The following GRK1 variants were observed in gnomAD, a reference collection of about 807,000 sequenced individuals.
GRK1 encodes the protein G protein-coupled receptor kinase 1.
Under a neutral mutation model 41.7 loss-of-function variants are expected in GRK1, and 28 were observed. The ratio of observed to expected loss-of-function variants is 0.67; its 90% CI spans 0.50 to 0.92. The LOEUF is 0.92. Ranked by LOEUF, GRK1 falls within the 40% of genes least tolerant of loss-of-function variation. The pLI is 0.00. For missense variants in GRK1, 703 were observed against 671.2 expected, an observed-to-expected ratio of 1.05 and a Z score of -0.52; for synonymous variants, 327 against 286.7, an observed-to-expected ratio of 1.14 and a Z score of -1.42.
At chr13:113,734,940 C>A in intron 6 of GRK1, 128 bp from the exon 7 acceptor site, 2 of 945,520 alleles carry the variant, frequency 2.1e-6, no homozygotes, top group Non-Finnish European at 3.0e-6. Flanking sequence ...CTCCACGACA[C>A]TTCCCTAAGG....
In GRK1 at chr13:113,667,742, C is replaced by A. The variant is rs746939483; in HGVS notation, c.356C>A (p.Ala119Asp). ...CTGGCCCAGTACCTGGACCCCCAGGCCAAACTCTTCTGCAGCTTCCTGGAT... is the reference window on the plus strand; with the variant it reads ...CTGGCCCAGTACCTGGACCCCCAGGACAAACTCTTCTGCAGCTTCCTGGAT... ...TILAQYLDPQAKLFCSFLDEG... is the reference protein window; with the variant it reads ...TILAQYLDPQDKLFCSFLDEG... Residue 119 changes from alanine to aspartate, a missense_variant, in exon 1 of 7, where the codon GCC becomes GAC. By Grantham distance (126) the Ala-to-Asp change is moderately radical. Coordinates refer to ENST00000335678, the MANE Select transcript of GRK1 (RefSeq NM_002929.3). The surrounding 1 kb of genome is among the most constrained non-coding windows in gnomAD (Gnocchi z 7.5). The A allele has an allele frequency of 1.2e-6, 2 of 1,613,896 alleles. No homozygotes were observed. Among genetic ancestry groups the A allele is most frequent in the South Asian group, 2.2e-5 (2 of 91,084 alleles).
the GRK1 span, chr13:113,651,652 G>A: frequency 1.2e-5 from 19 of 1,591,394 alleles, no homozygotes; most frequent in Admixed American, 1.8e-5. Context: ...AGCCCTGCCC[G>A]CCGCGCGGCC....
the GRK1 span, among the ~76,000 whole-genome samples, chr13:113,655,387 G>T: frequency 5.2e-4 from 79 of 152,342 alleles, no homozygotes; most frequent in South Asian, 2.5e-3. Context: ...GCCTGGAAGT[G>T]CATGGCCGGT....
chr13:113,733,724 TGCGCGCGTGTGTATGTGTGC>T (rs2049963728), intron 6 of GRK1, among the ~76,000 whole-genome samples: 1 of 135,478 alleles, frequency 7.4e-6, no homozygotes, highest in Non-Finnish European at 1.6e-5. Flanking sequence ...CACGTGTGTG[TGCGCGCGTGTGTATGTGTGC>T]ATACATGTGT....
rs1239237406 is a variant in GRK1 at position 113,671,955 on chromosome 13, G to A, written c.985+299G>A. On this transcript the variant is annotated intron_variant, in intron 3 of 6. Transcript: ENST00000335678. This position sits in a 1 kb window ranked among gnomAD's most constrained non-coding sequence, Gnocchi z 4.1. ...GGATTCTTCTCAGAAATAAACACGAGGGTTTAGGCTCCCGACAGCGGCAGG... is the reference window on the plus strand; with the variant it reads ...GGATTCTTCTCAGAAATAAACACGAAGGTTTAGGCTCCCGACAGCGGCAGG... 6.6e-6 allele frequency among the ~76,000 whole-genome samples: 1 copy of A among 152,026 alleles called. No homozygotes were observed. The highest frequency in any genetic ancestry group is 1.5e-5 in the Non-Finnish European group (1 of 68,002).
the GRK1 span, among the ~76,000 whole-genome samples, chr13:113,661,711 C>T: frequency 2.6e-5 from 4 of 152,186 alleles, no homozygotes; most frequent in Admixed American, 2.6e-4. Flanking sequence ...AATACTTGCG[C>T]AATTCTACAT....
At chr13:113,654,403 C>T in the GRK1 span, among the ~76,000 whole-genome samples, 11 of 152,262 alleles carry the variant, frequency 7.2e-5, no homozygotes, top group Non-Finnish European at 1.2e-4. Context: ...GCTGGTCTCC[C>T]GGGTGTGCTC....
chr13:113,667,868 C>A lies in GRK1; in HGVS notation c.482C>A (p.Pro161His). 1.3e-6 allele frequency: 2 copies of A among 1,590,518 alleles called. No individual in the cohort carries two copies. Among genetic ancestry groups the A allele is most frequent in the South Asian group, 2.3e-5 (2 of 88,286 alleles). Residue 161 changes from proline to histidine, a missense_variant, in exon 1 of 7, where the codon CCC becomes CAC. Physicochemically the swap from Pro to His is moderately conservative, Grantham distance 77 (BLOSUM62 -2). Coordinates refer to ENST00000335678, the MANE Select transcript of GRK1 (RefSeq NM_002929.3). The surrounding 1 kb of genome is among the most constrained non-coding windows in gnomAD (Gnocchi z 7.5). ...QATLAHLGQAPFQEYLGSLYF... is the reference protein window; with the variant it reads ...QATLAHLGQAHFQEYLGSLYF... ...ACCCTGGCACACCTGGGCCAAGCCCCCTTCCAGGAGTACCTGGGCAGCCTG... is the reference window on the plus strand; with the variant it reads ...ACCCTGGCACACCTGGGCCAAGCCCACTTCCAGGAGTACCTGGGCAGCCTG...
At chr13:113,650,591 A>G in the GRK1 span, 23 of 1,048,636 alleles carry the variant, frequency 2.2e-5, no homozygotes, top group East Asian at 2.5e-5. This position sits in a 1 kb window ranked among gnomAD's most constrained non-coding sequence, Gnocchi z 5.0. Context: ...GCGTGTGTGC[A>G]CACACGCGCT....
At position 113,735,257 on chromosome 13, in the gene GRK1, G is replaced by A. The variant is rs1260623023; in HGVS notation, c.1586G>A (p.Gly529Asp). 6.5e-7 allele frequency: 1 copy of A among 1,536,950 alleles called. No homozygotes were observed. The highest frequency in any genetic ancestry group is 1.4e-5 in the African/African-American group (1 of 73,044). The change falls in exon 7 of 7, where the codon GGC becomes GAC. Residue 529 changes from glycine (G) to aspartate (D), a missense_variant. By Grantham distance (94) the Gly-to-Asp change is moderately conservative. Coordinates refer to ENST00000335678, the MANE Select transcript of GRK1 (RefSeq NM_002929.3). ...QEEMIETGIF[G>D]ELNVWRSDGQ... is the part of the protein sequence containing the mutation. ...GAGATGATCGAGACGGGCATCTTTG[G>A]CGAGCTGAACGTGTGGCGCTCGGAC...
In GRK1 at chr13:113,731,160, G is replaced by A. The variant is rs1216763604; in HGVS notation, c.1070-59G>A. On this transcript the variant is annotated intron_variant, in intron 4 of 6. Transcript: ENST00000335678. This position sits in a 1 kb window ranked among gnomAD's most constrained non-coding sequence, Gnocchi z 5.6. ...CAGAGCATCAGTCCTGCGATTCCTG[G>A]AGTGCGTGCCCACCATGGAGGTGAC... is the stretch of plus-strand genomic sequence containing the variant. 1 of 1,517,078 alleles carries A rather than the reference G, an allele frequency of 6.6e-7. No homozygotes were observed. Among genetic ancestry groups the A allele is most frequent in the Non-Finnish European group, 8.8e-7 (1 of 1,133,182 alleles). The allele number at this position is 1,517,078 out of a possible 1,614,324, so 94.0% of individuals were successfully genotyped here. A position where few individuals can be genotyped will look rare whatever the true frequency, so the allele number is the denominator to read the frequency against.
chr13:113,657,082 GC>G, the GRK1 span, among the ~76,000 whole-genome samples: 2 of 152,356 alleles, frequency 1.3e-5, no homozygotes, highest in East Asian at 3.9e-4. Flanking sequence ...GGGGGCTGCA[GC>G]CTTCACCAGC....
the GRK1 span, among the ~76,000 whole-genome samples, chr13:113,657,709 T>G: frequency 6.6e-6 from 1 of 152,262 alleles, no homozygotes; most frequent in East Asian, 1.9e-4. Context: ...TCACGTTATT[T>G]TCAAAATGAT....
chr13:113,651,817 G>T, the GRK1 span: 30 of 1,480,892 alleles, frequency 2.0e-5, no homozygotes, highest in African/African-American at 3.2e-4. Flanking sequence ...AGATCTGGCC[G>T]GCCCCAGCCT....
intron 4 of GRK1, among the ~76,000 whole-genome samples, chr13:113,724,153 G>T (rs924778917): frequency 6.6e-5 from 10 of 152,120 alleles, no homozygotes; most frequent in Non-Finnish European, 1.5e-4. Flanking sequence ...GCAGAGCGGG[G>T]TCCGTGTTCT....
chr13:113,671,389 C>G lies in GRK1; in HGVS notation c.828-110C>G. On this transcript the variant is annotated intron_variant, in intron 2 of 6. Transcript: ENST00000335678. This position sits in a 1 kb window ranked among gnomAD's most constrained non-coding sequence, Gnocchi z 4.1. ...GACGTAGGGGGGCCAGGCCTCAAAA[C>G]GACCAGAACGCTGGCCGAGAGACAT... The G allele has an allele frequency of 1.4e-6, 1 of 730,246 alleles. No homozygotes were observed. Among genetic ancestry groups the G allele is most frequent in the Non-Finnish European group, 2.5e-6 (1 of 398,192 alleles). The allele number at this position is 730,246 out of a possible 1,614,324, so 45.2% of individuals were successfully genotyped here.
chr13:113,728,103 A>G (rs868415779), intron 4 of GRK1, among the ~76,000 whole-genome samples: 773 of 38,710 alleles, frequency 0.02, 21 homozygotes, highest in African/African-American at 0.028. Flanking sequence ...TACCCATGGC[A>G]ATGAGGAGTA....
chr13:113,657,921 C>G, the GRK1 span: 1 of 863,740 alleles, frequency 1.2e-6, no homozygotes. Context: ...CAGGCAGCAT[C>G]GGGGTCTCAC....
the GRK1 span, among the ~76,000 whole-genome samples, chr13:113,660,981 G>A: frequency 1.8e-4 from 28 of 152,252 alleles, no homozygotes; most frequent in East Asian, 2.3e-3. Flanking sequence ...GCATGGATAC[G>A]GAAGAACTCA....
Sources: allele counts gnomAD v4.1 joint callset (sites outside exome capture counted in the v4.1 genomes callset), GRCh38; gene constraint gnomAD v4.1.1; non-coding constraint Gnocchi (gnomAD v3.1); transcripts MANE v1.5; gene names NCBI Gene and HGNC (gene_info 2026-07-23, HGNC 2026-07-21).